The following RSRC1 variants were observed in gnomAD, a reference collection of about 807,000 sequenced individuals.
RSRC1 encodes serine/Arginine-related protein 53.
RSRC1 carries 39 observed loss-of-function variants against 49.1 expected under a neutral mutation model. The ratio of observed to expected loss-of-function variants is 0.79; its 90% CI spans 0.61 to 1.04. The LOEUF (loss-of-function observed/expected upper bound fraction) is 1.04, where lower values mean the gene tolerates loss of function less well. Among genes scored for constraint, RSRC1 ranks in the 50% least tolerant of loss-of-function variants. The pLI, the probability that RSRC1 is intolerant of heterozygous loss-of-function variation, is 0.00. For missense variants in RSRC1, 388 were observed against 402.4 expected, an observed-to-expected ratio of 0.96 and a Z score of 0.31; for synonymous variants, 143 against 130.8, an observed-to-expected ratio of 1.09 and a Z score of -0.63.
chr3:158,194,599 A>T (rs1353292964), intron 3 of RSRC1, among the ~76,000 whole-genome samples: 1 of 150,390 alleles, frequency 6.6e-6, no homozygotes, highest in Non-Finnish European at 1.5e-5. Flanking sequence ...TGCACCCATT[A>T]ACTCGTCGTT....
intron 6 of RSRC1, among the ~76,000 whole-genome samples, chr3:158,384,954 G>A (rs1732891882): frequency 6.6e-6 from 1 of 152,104 alleles, no homozygotes. Flanking sequence ...AGCTGGATCA[G>A]TCAGCAGTTC....
intron 2 of RSRC1, 91 bp downstream of exon 2, chr3:158,122,389 T>C: frequency 1.9e-6 from 2 of 1,036,638 alleles, no homozygotes; most frequent in Non-Finnish European, 2.7e-6. Context: ...AGATAAAACA[T>C]TTTTCTTTTA....
intron 5 of RSRC1, among the ~76,000 whole-genome samples, chr3:158,300,267 G>A (rs1163509383): frequency 6.6e-6 from 1 of 152,114 alleles, no homozygotes; most frequent in African/African-American, 2.4e-5. Flanking sequence ...TTTTATCTTA[G>A]TTGTTTGAAA....
chr3:158,413,715 G>A (rs1337852151), intron 6 of RSRC1, among the ~76,000 whole-genome samples: 2 of 151,770 alleles, frequency 1.3e-5, no homozygotes, highest in Non-Finnish European at 2.9e-5. Context: ...ACATTTATGT[G>A]GCCAAAAAAC....
intron 6 of RSRC1, among the ~76,000 whole-genome samples, chr3:158,401,185 G>A (rs1476862261): frequency 1.3e-5 from 2 of 151,974 alleles, no homozygotes; most frequent in Non-Finnish European, 2.9e-5. Flanking sequence ...TGAAATTCTA[G>A]CAACATATTT....
intron 4 of RSRC1, among the ~76,000 whole-genome samples, chr3:158,279,724 A>G (rs1288352313): frequency 6.6e-6 from 1 of 152,254 alleles, no homozygotes; most frequent in East Asian, 1.9e-4. Context: ...AGAATAAAAC[A>G]AAAGTCTTTC....
chr3:158,316,000 C>T (rs1249142394), intron 5 of RSRC1, among the ~76,000 whole-genome samples: 2 of 151,738 alleles, frequency 1.3e-5, no homozygotes, highest in Non-Finnish European at 2.9e-5. Context: ...GGTGAAACCC[C>T]GTCTCCACTA....
rs188782587 is a variant in RSRC1, at chr3:158,317,634, C to A, written c.531+19559C>A. 3.5e-3 allele frequency among the ~76,000 whole-genome samples: 530 copies of A among 152,192 alleles called. 2 individuals are homozygous for A. Among genetic ancestry groups the A allele is most frequent in the African/African-American group, 0.012 (493 of 41,510 alleles). The stretch of plus-strand genomic sequence containing the variant: ...AGTTCAGTGGTGTGATGTTGGCTCA[C>A]TGCAACCTCCAGCCCCTGGGCTCAA... On this transcript the variant is annotated intron_variant, in intron 5 of 9. Coordinates refer to ENST00000611884, the MANE Select transcript of RSRC1 (RefSeq NM_001271838.2).
chr3:158,294,820 G>T (rs1010473166), intron 4 of RSRC1, among the ~76,000 whole-genome samples: 3 of 152,130 alleles, frequency 2.0e-5, no homozygotes, highest in African/African-American at 7.2e-5. Flanking sequence ...ACTCAGTGTT[G>T]CAAATTGCCT....
chr3:158,515,742 G>A (rs1285414286), intron 7 of RSRC1, among the ~76,000 whole-genome samples: 2 of 150,608 alleles, frequency 1.3e-5, no homozygotes, highest in East Asian at 1.9e-4. Flanking sequence ...ACACCAATCA[G>A]ACGTAGATTT....
intron 4 of RSRC1, among the ~76,000 whole-genome samples, chr3:158,286,946 C>G (rs554238012): frequency 6.6e-6 from 1 of 152,180 alleles, no homozygotes; most frequent in African/African-American, 2.4e-5. Context: ...CCTGCCTCAG[C>G]CTTCCGAGTA....
At chr3:158,226,283 A>G (rs146491483) in intron 4 of RSRC1, among the ~76,000 whole-genome samples, 155 of 152,038 alleles carry the variant, frequency 1.0e-3, no homozygotes, top group African/African-American at 3.6e-3. Flanking sequence ...ACTTTCTCCT[A>G]CTATTCATTC....
At position 158,449,626 on chromosome 3, in the gene RSRC1, TA is replaced by T. The variant is rs547326120; in HGVS notation, c.584-11308del. ...CTGGGCCAGAGGATCTTTATATATATATATTTTTATTATTATACTTTAAGTT... is the reference window on the plus strand; with the variant it reads ...CTGGGCCAGAGGATCTTTATATATATTATTTTTATTATTATACTTTAAGTT... On this transcript the variant is annotated intron_variant, in intron 6 of 9. Transcript: ENST00000611884. Among the ~76,000 whole-genome samples, 1,082 of 147,744 alleles carry T rather than the reference TA, an allele frequency of 7.3e-3. 14 individuals carry two copies. Among genetic ancestry groups the T allele is most frequent in the African/African-American group, 0.026 (1,048 of 40,848 alleles).
chr3:158,377,990 G>A (rs1426041256), intron 6 of RSRC1, among the ~76,000 whole-genome samples: 4 of 151,994 alleles, frequency 2.6e-5, no homozygotes, highest in Admixed American at 6.6e-5. Context: ...AGGCAAAATG[G>A]ACTGATACAG....
intron 6 of RSRC1, among the ~76,000 whole-genome samples, chr3:158,459,175 A>G (rs576077534): frequency 1.2e-4 from 18 of 152,294 alleles, no homozygotes; most frequent in Non-Finnish European, 2.5e-4. Flanking sequence ...GCTCAATTAC[A>G]TAAAATATTT....
chr3:158,446,804 A>T (rs900992013), intron 6 of RSRC1, among the ~76,000 whole-genome samples: 3 of 152,024 alleles, frequency 2.0e-5, no homozygotes, highest in African/African-American at 4.8e-5. Context: ...CTTCATTAAC[A>T]GGCTAGTAAA....
chr3:158,236,116 CA>C (rs202061212), intron 4 of RSRC1, among the ~76,000 whole-genome samples: 48,858 of 136,216 alleles, frequency 0.36, 8,022 homozygotes, highest in South Asian at 0.44. Context: ...AGTCTTGTCT[CA>C]AAAAAAAAAA....
chr3:158,288,841 C>T (rs1217658946), intron 4 of RSRC1, among the ~76,000 whole-genome samples: 8 of 89,466 alleles, frequency 8.9e-5, no homozygotes, highest in African/African-American at 3.6e-4. Flanking sequence ...CCCCGCCCCC[C>T]CCCCCCCCAA....
chr3:158,196,933 G>A (rs917946761), intron 3 of RSRC1, among the ~76,000 whole-genome samples: 12 of 152,128 alleles, frequency 7.9e-5, no homozygotes, highest in Non-Finnish European at 2.9e-5. Flanking sequence ...TTGCATCGAT[G>A]TTCATCAGGG....
Sources: allele counts gnomAD v4.1 joint callset (sites outside exome capture counted in the v4.1 genomes callset), GRCh38; gene constraint gnomAD v4.1.1; transcripts MANE v1.5; gene names NCBI Gene and HGNC (gene_info 2026-07-23, HGNC 2026-07-21).